Variants in NRXN3 observed in about 807,000 individuals in gnomAD.
NRXN3 encodes neurexin III.
NRXN3 carries 32 observed loss-of-function variants against 137.6 expected under a neutral mutation model. The observed-to-expected ratio is 0.23, with a 90% CI of 0.18 to 0.31. The LOEUF (loss-of-function observed/expected upper bound fraction) is 0.31. Ranked by LOEUF, NRXN3 falls within the 10% of genes least tolerant of loss-of-function variation. NRXN3 has a pLI of 1.00. For missense variants in NRXN3, 1,574 were observed against 2,062.5 expected (o/e 0.76, Z 4.59); for synonymous variants, 798 against 784.5 (o/e 1.02, Z -0.29).
intron 4 of NRXN3, among the ~76,000 whole-genome samples, chr14:78,313,921 T>C (rs1171813247): frequency 2.6e-5 from 4 of 152,174 alleles, no homozygotes; most frequent in Non-Finnish European, 5.9e-5. Context: ...CTCTCGACAG[T>C]AACAATAAAG....
chr14:78,555,748 G>C (rs956371274), intron 4 of NRXN3, among the ~76,000 whole-genome samples: 3 of 152,188 alleles, frequency 2.0e-5, no homozygotes, highest in Admixed American at 2.0e-4. Context: ...AACAGTAAGG[G>C]CTGGCAGTGG....
At chr14:78,591,716 C>T (rs2097118464) in intron 4 of NRXN3, among the ~76,000 whole-genome samples, 1 of 152,138 alleles carries the variant, frequency 6.6e-6, no homozygotes, top group Non-Finnish European at 1.5e-5. Flanking sequence ...ATTCACTGTA[C>T]ATGGGTTGTT....
chr14:79,171,229 A>AAGG (rs2061745132), intron 15 of NRXN3, among the ~76,000 whole-genome samples: 1 of 152,102 alleles, frequency 6.6e-6, no homozygotes, highest in Non-Finnish European at 1.5e-5. Flanking sequence ...TCCAATGAAG[A>AAGG]AGGGCAAGTA....
chr14:78,435,620 C>A (rs1002994829), intron 4 of NRXN3, among the ~76,000 whole-genome samples: 1 of 152,190 alleles, frequency 6.6e-6, no homozygotes, highest in African/African-American at 2.4e-5. Flanking sequence ...ATTCCCCTCC[C>A]AGTCCCAAAC....
In NRXN3 at chr14:78,760,983, C is replaced by T. The variant is rs568047616; in HGVS notation, c.2045-42637C>T. Among the ~76,000 whole-genome samples the T allele has an allele frequency of 1.5e-3, 222 of 152,070 alleles. 2 individuals are homozygous for T. The highest frequency in any genetic ancestry group is 4.7e-3 in the African/African-American group (194 of 41,482). On this transcript the variant is annotated intron_variant, in intron 8 of 20. Transcript: ENST00000335750. ...TACCAAACAGAGTAGTATAGATCACCGTAATGACATATTTGGAATTTTCTG... is the reference window on the plus strand; with the variant it reads ...TACCAAACAGAGTAGTATAGATCACTGTAATGACATATTTGGAATTTTCTG...
chr14:78,735,988 CCTAT>C (rs1422362613), intron 8 of NRXN3, among the ~76,000 whole-genome samples: 1 of 152,112 alleles, frequency 6.6e-6, no homozygotes, highest in Non-Finnish European at 1.5e-5. Context: ...ATGGCCGTTT[CCTAT>C]CTGAGAATTC....
intron 15 of NRXN3, among the ~76,000 whole-genome samples, chr14:79,360,404 C>T (rs1232755688): frequency 6.6e-6 from 1 of 152,188 alleles, no homozygotes; most frequent in Non-Finnish European, 1.5e-5. Context: ...TGTGCCCAGC[C>T]ATTTGTAATA....
rs879409245 is a variant in NRXN3, at chr14:79,333,202, G to GA, written c.3263-134009dup. Among the ~76,000 whole-genome samples the GA allele has an allele frequency of 1.2e-3, 182 of 146,268 alleles. 1 individual carries two copies. The highest frequency in any genetic ancestry group is 6.9e-3 in the Middle Eastern group (2 of 288). On this transcript the variant is annotated intron_variant, in intron 15 of 20. Coordinates refer to ENST00000335750, the MANE Select transcript of NRXN3 (RefSeq NM_001330195.2). ...ACTACTCATTTTGCAAAAGGGAAAA[G>GA]AAAAAAAAAACACACTGGGGGGATA...
intron 4 of NRXN3, among the ~76,000 whole-genome samples, chr14:78,445,586 A>C (rs1289113892): frequency 6.6e-6 from 1 of 152,208 alleles, no homozygotes; most frequent in Non-Finnish European, 1.5e-5. Context: ...TCTGTTCTAC[A>C]GTGCCTTGAG....
chr14:78,420,100 A>G (rs563615537), intron 4 of NRXN3, among the ~76,000 whole-genome samples: 34 of 152,254 alleles, frequency 2.2e-4, no homozygotes, highest in African/African-American at 7.7e-4. Context: ...TGGAAAAAAA[A>G]GGTAAAATGG....
At chr14:79,372,992 C>G (rs1255409555) in intron 15 of NRXN3, among the ~76,000 whole-genome samples, 1 of 152,042 alleles carries the variant, frequency 6.6e-6, no homozygotes, top group Non-Finnish European at 1.5e-5. Flanking sequence ...CTTGAGTTTA[C>G]TTCATTTTAA....
At chr14:79,323,446 A>C (rs536205290) in intron 15 of NRXN3, among the ~76,000 whole-genome samples, 2 of 152,378 alleles carry the variant, frequency 1.3e-5, no homozygotes, top group South Asian at 4.1e-4. Context: ...ATTCAATAAA[A>C]GGAAGCTCTT....
At position 78,957,306 on chromosome 14, in the gene NRXN3, G is replaced by A. The variant is rs1285599406; in HGVS notation, c.2340G>A (p.Arg780=). 2.5e-6 allele frequency: 4 copies of A among 1,614,050 alleles called. No homozygotes were observed. The South Asian group carries it at 4.4e-5, about 18-fold the overall frequency. Residue 780 remains arginine (R), a synonymous_variant, in exon 11 of 21, where the codon CGG becomes CGA. Transcript: ENST00000335750. The part of the protein sequence containing the change: ...KLNDNEWHTV[R]VVRRGKSLKL... Reference sequence around the variant, plus strand: ...ATGACAACGAGTGGCACACCGTTCGGGTGGTGCGGAGAGGAAAAAGCCTTA... The same window carrying A: ...ATGACAACGAGTGGCACACCGTTCGAGTGGTGCGGAGAGGAAAAAGCCTTA...
intron 15 of NRXN3, among the ~76,000 whole-genome samples, chr14:79,326,916 C>A (rs1055033684): frequency 2.0e-5 from 3 of 152,082 alleles, no homozygotes. Flanking sequence ...CTCCTGATGC[C>A]CCATCCTCAA....
chr14:78,406,687 C>T (rs1336169257), intron 4 of NRXN3, among the ~76,000 whole-genome samples: 1 of 152,116 alleles, frequency 6.6e-6, no homozygotes, highest in Non-Finnish European at 1.5e-5. Flanking sequence ...TTCTGATGTT[C>T]CTGGGAATAG....
intron 4 of NRXN3, among the ~76,000 whole-genome samples, chr14:78,490,938 A>T (rs1013215999): frequency 6.6e-6 from 1 of 151,978 alleles, no homozygotes; most frequent in African/African-American, 2.4e-5. Context: ...GTCCTCTTTG[A>T]GTGCTCCCTT....
At position 78,272,083 on chromosome 14, in the gene NRXN3, CT is replaced by C. The variant is rs1034853528; in HGVS notation, c.710-6553del. On this transcript the variant is annotated intron_variant, in intron 2 of 20. Transcript: ENST00000335750. ...GCCACTGGGGAGGTGCAGTCTTTGC[CT>C]TTTTTTTTGTTTTTTCTTCTAATGT... 8.6e-5 allele frequency among the ~76,000 whole-genome samples: 13 copies of C among 151,368 alleles called. No homozygotes were observed. In the South Asian group the frequency reaches 2.5e-3, roughly 29 times the overall value.
chr14:78,558,049 A>G (rs1288666741), intron 4 of NRXN3, among the ~76,000 whole-genome samples: 1 of 152,250 alleles, frequency 6.6e-6, no homozygotes, highest in East Asian at 1.9e-4. Context: ...CCAAGATGAC[A>G]GAGCTAGTAA....
At chr14:78,380,598 A>G (rs1438674874) in intron 4 of NRXN3, among the ~76,000 whole-genome samples, 1 of 152,192 alleles carries the variant, frequency 6.6e-6, no homozygotes, top group Non-Finnish European at 1.5e-5. Context: ...GGAGGAATTA[A>G]GAAAAGATTC....
Sources: gnomAD v4.1 joint callset for allele counts (sites outside exome capture counted in the v4.1 genomes callset) on GRCh38, gnomAD v4.1.1 for gene constraint, MANE v1.5 for transcripts, NCBI Gene and HGNC (gene_info 2026-07-23, HGNC 2026-07-21) for gene names.